RGS4: variants seen among roughly 807,000 people sequenced by gnomAD.
RGS4 encodes the protein schizophrenia disorder 9.
A neutral mutation model predicts 21.6 loss-of-function variants in RGS4; 15 were observed. That is an observed-to-expected ratio of 0.69 (90% CI 0.46 to 1.07). The LOEUF (loss-of-function observed/expected upper bound fraction) is 1.07. RGS4 is among the 50% of genes least tolerant of loss of function. The probability of loss-of-function intolerance (pLI) is 0.00; values close to 1 mark genes in which losing one functional copy is unlikely to be tolerated. For missense variants in RGS4, 237 were observed against 239.0 expected (o/e 0.99, Z 0.06); for synonymous variants, 94 against 85.5 (o/e 1.10, Z -0.55).
Position 163,075,257 on chromosome 1 carries a change from T to C in RGS4, c.*697T>C, listed in dbSNP as rs1044451675. On this transcript the variant is annotated 3_prime_UTR_variant, in exon 5 of 5. Transcript: ENST00000367909. The stretch of plus-strand genomic sequence containing the variant: ...ACAGGGCAAAATGAACTAACTGCCA[T>C]GTAGGCTAAGAAAGAAATGCTAACC... 1.3e-5 allele frequency: 2 copies of C among 152,794 alleles called. No homozygotes were observed. Among genetic ancestry groups the C allele is most frequent in the African/African-American group, 4.8e-5 (2 of 41,438 alleles). 9.5% of individuals were successfully genotyped at this position (152,794 alleles called of 1,614,324 possible). A position where few individuals can be genotyped will look rare whatever the true frequency, so the allele number is the denominator to read the frequency against.
rs1655465084 is a variant in RGS4 at position 163,075,449 on chromosome 1, A to G, written c.*889A>G. 6.6e-6 allele frequency: 1 copy of G among 152,128 alleles called. No individual in the cohort carries two copies. Among genetic ancestry groups the G allele is most frequent in the Admixed American group, 6.6e-5 (1 of 15,252 alleles). 9.4% of individuals were successfully genotyped at this position (152,128 alleles called of 1,614,324 possible). A position where few individuals can be genotyped will look rare whatever the true frequency, so the allele number is the denominator to read the frequency against. Reference sequence around the variant, plus strand: ...TCTCTGATGGCACTTTTGAGCTCCTAAGCTGCCAGCCTTCCCTTCTTTTCC... The same window carrying G: ...TCTCTGATGGCACTTTTGAGCTCCTGAGCTGCCAGCCTTCCCTTCTTTTCC... On this transcript the variant is annotated 3_prime_UTR_variant, in exon 5 of 5. Transcript: ENST00000367909.
intron 1 of RGS4, among the ~76,000 whole-genome samples, chr1:163,071,151 C>A (rs563557589): frequency 1.3e-5 from 2 of 152,212 alleles, no homozygotes; most frequent in African/African-American, 4.8e-5. Flanking sequence ...CTTGGAATCA[C>A]CCTAACATTC....
At chr1:163,070,578 G>C (rs1358407824) in intron 1 of RGS4, 1 of 152,160 alleles carries the variant, frequency 6.6e-6, no homozygotes, top group African/African-American at 2.4e-5. Flanking sequence ...GTCTGGCAGA[G>C]AGTATCTATG....
At chr1:163,070,514 C>T (rs1418632672) in intron 1 of RGS4, 4 of 152,082 alleles carry the variant, frequency 2.6e-5, no homozygotes, top group African/African-American at 9.7e-5. Context: ...TCCAAATATT[C>T]TGTCATTCAG....
chr1:163,074,744 C>A lies in RGS4; in HGVS notation c.*184C>A. The A allele has an allele frequency of 1.1e-6, 1 of 891,574 alleles. No individual in the cohort carries two copies. The highest frequency in any genetic ancestry group is 1.4e-5 in the South Asian group (1 of 70,080). 55.2% of individuals were successfully genotyped at this position (891,574 alleles called of 1,614,324 possible). A position where few individuals can be genotyped will look rare whatever the true frequency, so the allele number is the denominator to read the frequency against. On this transcript the variant is annotated 3_prime_UTR_variant, in exon 5 of 5. Coordinates refer to ENST00000367909, the MANE Select transcript of RGS4 (RefSeq NM_005613.6). ...ATATAGCTTTTGGTGTTTGAGTGTT[C>A]ATCAGGGTGGGACCCCATTCCAGTC...
intron 1 of RGS4, chr1:163,071,862 C>CCACCCCG (rs1261806517): frequency 3.9e-5 from 1 of 25,828 alleles, no homozygotes; most frequent in Admixed American, 1.7e-4. Context: ...CTTGCCCCCC[C>CCACCCCG]CCCCCCCCCC....
chr1:163,072,256 G>C, intron 1 of RGS4, 139 bp from the exon 2 acceptor site: 1 of 886,050 alleles, frequency 1.1e-6, no homozygotes, highest in Non-Finnish European at 1.6e-6. Flanking sequence ...TTCCTCAGAG[G>C]TCATGCCAAC....
Position 163,074,885 on chromosome 1 carries a change from G to A in RGS4, c.*325G>A, listed in dbSNP as rs145581980. 4.7e-5 allele frequency: 28 copies of A among 593,038 alleles called. No homozygotes were observed. Among genetic ancestry groups the A allele is most frequent in the Admixed American group, 2.4e-4 (8 of 33,596 alleles). The allele number at this position is 593,038 out of a possible 1,614,324, so 36.7% of individuals were successfully genotyped here. On this transcript the variant is annotated 3_prime_UTR_variant, in exon 5 of 5. Transcript: ENST00000367909. ...TTCCTCCTCCCAACAGTTTTACCTC[G>A]GGATGGTTGGTTAGTGCATGTCACA...
At position 163,074,874 on chromosome 1, in the gene RGS4, A is replaced by C; in HGVS notation, c.*314A>C. Reference sequence around the variant, plus strand: ...TTGTTGGCAGTTTCCTCCTCCCAACAGTTTTACCTCGGGATGGTTGGTTAG... The same window carrying C: ...TTGTTGGCAGTTTCCTCCTCCCAACCGTTTTACCTCGGGATGGTTGGTTAG... On this transcript the variant is annotated 3_prime_UTR_variant, in exon 5 of 5. Coordinates refer to ENST00000367909, the MANE Select transcript of RGS4 (RefSeq NM_005613.6). 1 of 597,284 alleles carries C rather than the reference A, an allele frequency of 1.7e-6. No homozygotes were observed. Among genetic ancestry groups the C allele is most frequent in the South Asian group, 2.0e-5 (1 of 49,028 alleles). 37.0% of individuals were successfully genotyped at this position (597,284 alleles called of 1,614,324 possible).
Position 163,069,367 on chromosome 1 carries a change from C to T in RGS4, c.-118C>T, listed in dbSNP as rs1441369507. 6.4e-7 allele frequency: 1 copy of T among 1,565,744 alleles called. No individual in the cohort carries two copies. Among genetic ancestry groups the T allele is most frequent in the South Asian group, 1.2e-5 (1 of 85,834 alleles). On this transcript the variant is annotated 5_prime_UTR_variant, in exon 1 of 5. Coordinates refer to ENST00000367909, the MANE Select transcript of RGS4 (RefSeq NM_005613.6). ...CCCCTACAGGCTTAGCAGGAAGACG[C>T]TCAGAGGATTCTGACAATATCTTTA...
chr1:163,074,504 C>A lies in RGS4; in HGVS notation c.562C>A (p.Gln188Lys). 1 of 1,613,964 alleles carries A rather than the reference C, an allele frequency of 6.2e-7. No homozygotes were observed. ...VNPSSCGAEK[Q>K]KGAKSSADCA... ...CCCGTCCAGCTGTGGGGCAGAAAAGCAGAAAGGAGCCAAGAGTTCAGCAGA... is the reference window on the plus strand; with the variant it reads ...CCCGTCCAGCTGTGGGGCAGAAAAGAAGAAAGGAGCCAAGAGTTCAGCAGA... Residue 188 changes from glutamine to lysine, a missense_variant, in exon 5 of 5, where the codon CAG becomes AAG. Gln to Lys is a moderately conservative substitution (Grantham distance 53). Transcript: ENST00000367909.
chr1:163,068,874 G>C, upstream of RGS4: 1 of 1,144,340 alleles, frequency 8.7e-7, no homozygotes, highest in Non-Finnish European at 1.3e-6. Flanking sequence ...GCAAATCACT[G>C]CGTGGAGACG....
At chr1:163,069,216 C>T (rs548737419), upstream of RGS4, 700 of 1,532,288 alleles carry the variant, frequency 4.6e-4, no homozygotes, top group Admixed American at 7.0e-4. Flanking sequence ...CTTAACATTG[C>T]TGATGCGTCA....
At chr1:163,069,549 T>C in intron 1 of RGS4, 21 bp downstream of exon 1, 6 of 1,594,452 alleles carry the variant, frequency 3.8e-6, no homozygotes, top group Non-Finnish European at 5.2e-6. Flanking sequence ...TTTCAGCCAT[T>C]AACCATATTA....
rs1260397032 is a variant in RGS4 at position 163,076,338 on chromosome 1, G to C, written c.*1778G>C. On this transcript the variant is annotated 3_prime_UTR_variant, in exon 5 of 5. Transcript: ENST00000367909. ...CAAATCTCACTGTATTAAAGATGCA[G>C]GTTTTCTAATTGTACCCTTCTTGTC... 1.3e-5 allele frequency: 2 copies of C among 152,584 alleles called. No homozygotes were observed. The highest frequency in any genetic ancestry group is 2.9e-5 in the Non-Finnish European group (2 of 68,024). 9.5% of individuals were successfully genotyped at this position (152,584 alleles called of 1,614,324 possible). A position where few individuals can be genotyped will look rare whatever the true frequency, so the allele number is the denominator to read the frequency against.
chr1:163,069,543 A>G lies in RGS4; in HGVS notation c.44+15A>G, dbSNP rs956978584. ...TGCTTGAGGAGGTAAGATTGCTTTCAGCCATTAACCATATTAAACTTTTGG... is the reference window on the plus strand; with the variant it reads ...TGCTTGAGGAGGTAAGATTGCTTTCGGCCATTAACCATATTAAACTTTTGG... On this transcript the variant is annotated intron_variant, in intron 1 of 4. Coordinates refer to ENST00000367909, the MANE Select transcript of RGS4 (RefSeq NM_005613.6). 2.5e-6 allele frequency: 4 copies of G among 1,605,128 alleles called. No homozygotes were observed. The highest frequency in any genetic ancestry group is 3.4e-6 in the Non-Finnish European group (4 of 1,172,858).
chr1:163,072,261 G>A, intron 1 of RGS4, 134 bp from the exon 2 acceptor site: 2 of 883,880 alleles, frequency 2.3e-6, no homozygotes, highest in Admixed American at 3.1e-5. Context: ...CAGAGGTCAT[G>A]CCAACTCCAA....
At chr1:163,072,768 G>C in intron 2 of RGS4, 37 bp from the exon 3 acceptor site, 1 of 1,563,320 alleles carries the variant, frequency 6.4e-7, no homozygotes, top group Non-Finnish European at 8.8e-7. Context: ...TTTTACCATG[G>C]CATTCCAATT....
rs973393232 is a variant in RGS4, at chr1:163,074,745, A to G, written c.*185A>G. ...TATAGCTTTTGGTGTTTGAGTGTTC[A>G]TCAGGGTGGGACCCCATTCCAGTCC... On this transcript the variant is annotated 3_prime_UTR_variant, in exon 5 of 5. Coordinates refer to ENST00000367909, the MANE Select transcript of RGS4 (RefSeq NM_005613.6). The G allele has an allele frequency of 2.2e-5, 19 of 881,456 alleles. No homozygotes were observed. The highest frequency in any genetic ancestry group is 3.3e-5 in the Non-Finnish European group (18 of 550,122). 54.6% of individuals were successfully genotyped at this position (881,456 alleles called of 1,614,324 possible). A position where few individuals can be genotyped will look rare whatever the true frequency, so the allele number is the denominator to read the frequency against.
Sources: allele counts gnomAD v4.1 joint callset (sites outside exome capture counted in the v4.1 genomes callset), GRCh38; gene constraint gnomAD v4.1.1; transcripts MANE v1.5; gene names NCBI Gene and HGNC (gene_info 2026-07-23, HGNC 2026-07-21).